PRR32: variants seen among roughly 807,000 people sequenced by gnomAD.
PRR32 encodes the protein proline-rich protein 32.
A neutral mutation model predicts 1.3 loss-of-function variants in PRR32; 2 were observed. The ratio of observed to expected loss-of-function variants is 1.49; its 90% confidence interval spans 0.61 to 4.68. The LOEUF is 4.68. Ranked by LOEUF, PRR32 falls within the 30% of genes most tolerant of loss-of-function variation. The pLI is 0.06. For missense variants in PRR32, 241 were observed against 232.5 expected (o/e 1.04, Z -0.24); for synonymous variants, 107 against 88.7 (o/e 1.21, Z -1.16).
Position 126,820,726 on chromosome X carries a change from C to T in PRR32, c.88C>T (p.His30Tyr). 8.6e-7 allele frequency: 1 copy of T among 1,167,882 alleles called. No individual in the cohort carries two copies. Among genetic ancestry groups the T allele is most frequent in the Non-Finnish European group, 1.1e-6 (1 of 872,924 alleles). ...CAAAAATGGGAACCAGGAGCTGCAC[C>T]ACGACATGCCCCTGCAATGTCTGAG... ...VDKNGNQELHHDMPLQCLSSK... is the reference protein window; with the variant it reads ...VDKNGNQELHYDMPLQCLSSK... Residue 30 changes from histidine to tyrosine, a missense_variant, in exon 2 of 2, where the codon CAC (histidine) becomes TAC (tyrosine). Coordinates refer to ENST00000371125, the MANE Select transcript of PRR32 (RefSeq NM_001122716.2).
intron 1 of PRR32, among the ~76,000 whole-genome samples, chrX:126,820,203 T>C (rs940027992): frequency 8.9e-6 from 1 of 111,900 alleles, no homozygotes; most frequent in Non-Finnish European, 1.9e-5. Context: ...GAGAAACTTG[T>C]GTGTTTGTTA....
chrX:126,821,665 A>T lies in PRR32; in HGVS notation c.*130A>T. The T allele has an allele frequency of 1.2e-6, 1 of 824,346 alleles. No homozygotes were observed. Among genetic ancestry groups the T allele is most frequent in the Non-Finnish European group, 1.7e-6 (1 of 598,091 alleles). The allele number at this position is 824,346 out of a possible 1,213,427, so 67.9% of individuals were successfully genotyped here. A position where few individuals can be genotyped will look rare whatever the true frequency, so the allele number is the denominator to read the frequency against. On this transcript the variant is annotated 3_prime_UTR_variant, in exon 2 of 2. Coordinates refer to ENST00000371125, the MANE Select transcript of PRR32 (RefSeq NM_001122716.2). ...TAATGTGCCCTACTTGAAACCACGT[A>T]CCCTCCCACACTCTGTTTAGCACTA...
rs1453869147 is a variant in PRR32, at chrX:126,821,268, T to C, written c.630T>C (p.His210=). ...TAGCCTGCAGAGGAAAGCTGGCTCA[T>C]GTTTCTTTCCCACTCAGGGGCCCAT... ...TRIACRGKLA[H]VSFPLRGPCH... The change falls in exon 2 of 2, where the codon CAT becomes CAC. Residue 210 remains histidine, a synonymous_variant. Coordinates refer to ENST00000371125, the MANE Select transcript of PRR32 (RefSeq NM_001122716.2). 1.7e-6 allele frequency: 2 copies of C among 1,166,599 alleles called. No homozygotes were observed. Among genetic ancestry groups the C allele is most frequent in the Non-Finnish European group, 2.3e-6 (2 of 872,848 alleles).
Position 126,821,288 on chromosome X carries a change from GCCCATGCCAC to G in PRR32, c.658_667del (p.His220IlefsTer83), listed in dbSNP as rs1390716401. The G allele has an allele frequency of 1.7e-6, 2 of 1,168,305 alleles. No individual in the cohort carries two copies. The highest frequency in any genetic ancestry group is 6.5e-5 in the East Asian group (2 of 30,733). The stretch of plus-strand genomic sequence containing the variant: ...GCTCATGTTTCTTTCCCACTCAGGG[GCCCATGCCAC>G]CCCATGCATAATTGGCCAAGGCCTA... On this transcript the variant is annotated frameshift_variant, in exon 2 of 2. Coordinates refer to ENST00000371125, the MANE Select transcript of PRR32 (RefSeq NM_001122716.2). LOFTEE classifies it low-confidence loss of function (END_TRUNC).
chrX:126,819,745 C>T lies in PRR32; in HGVS notation c.-99C>T. ...CCTGGCTTCATTCTAGTTGCCAAGC[C>T]TCTAAAGCAGAAGCAGGAGTCATTT... On this transcript the variant is annotated 5_prime_UTR_variant, in exon 1 of 2. Transcript: ENST00000371125. The T allele has an allele frequency of 1.3e-6, 1 of 789,563 alleles. No homozygotes were observed. Among genetic ancestry groups the T allele is most frequent in the East Asian group, 3.8e-5 (1 of 26,010 alleles). 65.1% of individuals were successfully genotyped at this position (789,563 alleles called of 1,213,427 possible). A position where few individuals can be genotyped will look rare whatever the true frequency, so the allele number is the denominator to read the frequency against.
At position 126,821,500 on chromosome X, in the gene PRR32, C is replaced by T. The variant is rs200463562; in HGVS notation, c.862C>T (p.Pro288Ser). 1,718 of 1,165,675 alleles carry T rather than the reference C, an allele frequency of 1.5e-3. 12 individuals carry two copies. Among genetic ancestry groups the T allele is most frequent in the Non-Finnish European group, 1.0e-3 (893 of 872,934 alleles). The change falls in exon 2 of 2, where the codon CCA becomes TCA. Residue 288 changes from proline to serine, a missense_variant. By Grantham distance (74) the Pro-to-Ser change is moderately conservative. Transcript: ENST00000371125. ...TGCCCATTTCCATTCTGGGGGAATG[C>T]CAGCTCCTGCATCACCCAACAGAGA... ...YFAHFHSGGM[P>S]APASPNREHS
rs1183441536 is a variant in PRR32 at position 126,819,847 on chromosome X, G to A, written c.4G>A (p.Ala2Thr). The A allele has an allele frequency of 3.2e-5, 37 of 1,162,984 alleles. No individual in the cohort carries two copies. The highest frequency in any genetic ancestry group is 4.0e-5 in the Non-Finnish European group (35 of 871,278). The change falls in exon 1 of 2, where the codon GCT (alanine) becomes ACT (threonine). Residue 2 changes from alanine to threonine, a missense_variant. Transcript: ENST00000371125. ...GCTATTCTGATCAAATTTCTTCATG[G>A]CTTGTATTGAAAACGTGTAAGTACA... M[A>T]CIENVLGGHA... is the part of the protein sequence containing the mutation.
Position 126,819,864 on chromosome X carries a change from G to T in PRR32, c.20+1G>T. 8.6e-7 allele frequency: 1 copy of T among 1,164,610 alleles called. No individual in the cohort carries two copies. Among genetic ancestry groups the T allele is most frequent in the East Asian group, 3.3e-5 (1 of 30,636 alleles). Reference sequence around the variant, plus strand: ...TCTTCATGGCTTGTATTGAAAACGTGTAAGTACAAAACCGAGTACAACTGT... The same window carrying T: ...TCTTCATGGCTTGTATTGAAAACGTTTAAGTACAAAACCGAGTACAACTGT... On this transcript the variant is annotated splice_donor_variant, in intron 1 of 1. Transcript: ENST00000371125. LOFTEE classifies it high-confidence loss of function.
Position 126,820,798 on chromosome X carries a change from C to G in PRR32, c.160C>G (p.Pro54Ala). 1 of 1,167,600 alleles carries G rather than the reference C, an allele frequency of 8.6e-7. No individual in the cohort carries two copies. Among genetic ancestry groups the G allele is most frequent in the East Asian group, 3.3e-5 (1 of 30,719 alleles). The change falls in exon 2 of 2, where the codon CCG becomes GCG. Residue 54 changes from proline (P) to alanine (A), a missense_variant. By Grantham distance (27) the Pro-to-Ala change is conservative (BLOSUM62 -1). Transcript: ENST00000371125. Reference sequence around the variant, plus strand: ...AGAGCCCTGGGGTCAACCTCAAGTACCGCTGAGACCTTCCGTCAATGTGCT... The same window carrying G: ...AGAGCCCTGGGGTCAACCTCAAGTAGCGCTGAGACCTTCCGTCAATGTGCT... Reference protein sequence around the residue: ...DAEPWGQPQVPLRPSVNVLTD... With the variant: ...DAEPWGQPQVALRPSVNVLTD...
Position 126,820,968 on chromosome X carries a change from C to G in PRR32, c.330C>G (p.Asn110Lys). Residue 110 changes from asparagine (N) to lysine (K), a missense_variant, in exon 2 of 2, where the codon AAC becomes AAG. Physicochemically the swap from Asn to Lys is moderately conservative, Grantham distance 94. Transcript: ENST00000371125. ...AGTCCCTAGCAACAGCAGAAGTAAA[C>G]AGCTCTGATGCACTGGCAGGCTGGA... ...AEESLATAEV[N>K]SSDALAGWRQ... 8.6e-7 allele frequency: 1 copy of G among 1,166,278 alleles called. No homozygotes were observed. The highest frequency in any genetic ancestry group is 1.1e-6 in the Non-Finnish European group (1 of 872,259).
At position 126,820,812 on chromosome X, in the gene PRR32, C is replaced by T. The variant is rs775137715; in HGVS notation, c.174C>T (p.Ser58=). Residue 58 remains serine, a synonymous_variant, in exon 2 of 2, where the codon TCC becomes TCT. Coordinates refer to ENST00000371125, the MANE Select transcript of PRR32 (RefSeq NM_001122716.2). ...AACCTCAAGTACCGCTGAGACCTTC[C>T]GTCAATGTGCTGACTGATCTGGATA... ...WGQPQVPLRP[S]VNVLTDLDSK... 17 of 1,165,718 alleles carry T rather than the reference C, an allele frequency of 1.5e-5. No individual in the cohort carries two copies. In the Admixed American group the frequency reaches 1.8e-4, roughly 13 times the overall value.
At chrX:126,820,538 G>A in intron 1 of PRR32, 121 bp from the exon 2 acceptor site, 1 of 902,797 alleles carries the variant, frequency 1.1e-6, no homozygotes, top group South Asian at 2.6e-5. Flanking sequence ...TACATATAGG[G>A]GAGAGGGCAC....
chrX:126,820,792 C>G lies in PRR32; in HGVS notation c.154C>G (p.Gln52Glu). ...EDDAEPWGQP[Q>E]VPLRPSVNVL... is the part of the protein sequence containing the mutation. ...TGACGCAGAGCCCTGGGGTCAACCT[C>G]AAGTACCGCTGAGACCTTCCGTCAA... Residue 52 changes from glutamine to glutamate, a missense_variant, in exon 2 of 2, where the codon CAA becomes GAA. Physicochemically the swap from Gln to Glu is conservative, Grantham distance 29. Coordinates refer to ENST00000371125, the MANE Select transcript of PRR32 (RefSeq NM_001122716.2). 1 of 1,167,752 alleles carries G rather than the reference C, an allele frequency of 8.6e-7. No homozygotes were observed. The highest frequency in any genetic ancestry group is 1.1e-6 in the Non-Finnish European group (1 of 873,005).
In PRR32 at chrX:126,819,752, G is replaced by A. The variant is rs750309760; in HGVS notation, c.-92G>A. The A allele has an allele frequency of 1.2e-6, 1 of 840,291 alleles. No individual in the cohort carries two copies. 69.2% of individuals were successfully genotyped at this position (840,291 alleles called of 1,213,427 possible). On this transcript the variant is annotated 5_prime_UTR_variant, in exon 1 of 2. Coordinates refer to ENST00000371125, the MANE Select transcript of PRR32 (RefSeq NM_001122716.2). Reference sequence around the variant, plus strand: ...TCATTCTAGTTGCCAAGCCTCTAAAGCAGAAGCAGGAGTCATTTCTCCAGA... The same window carrying A: ...TCATTCTAGTTGCCAAGCCTCTAAAACAGAAGCAGGAGTCATTTCTCCAGA...
chrX:126,820,582 G>A (rs1930537619), intron 1 of PRR32, 77 bp from the exon 2 acceptor site: 17 of 1,076,510 alleles, frequency 1.6e-5, no homozygotes, highest in Middle Eastern at 3.0e-4. Flanking sequence ...AGTGAGCTCA[G>A]TCAATTACAT....
Position 126,820,030 on chromosome X carries a change from A to C in PRR32, c.20+167A>C, listed in dbSNP as rs1463578588. Among the ~76,000 whole-genome samples the C allele has an allele frequency of 2.7e-5, 3 of 110,723 alleles. No homozygotes were observed. In the South Asian group the frequency reaches 1.2e-3, roughly 43 times the overall value. The stretch of plus-strand genomic sequence containing the variant: ...TTAGTTACTAAGAATACCGGATTTA[A>C]GAGTGGCAACTTTGAAGTGTAATTT... On this transcript the variant is annotated intron_variant, in intron 1 of 1. Transcript: ENST00000371125.
At position 126,821,074 on chromosome X, in the gene PRR32, G is replaced by T; in HGVS notation, c.436G>T (p.Val146Phe). Residue 146 changes from valine to phenylalanine, a missense_variant, in exon 2 of 2, where the codon GTC becomes TTC. By Grantham distance (50) the Val-to-Phe change is conservative. Coordinates refer to ENST00000371125, the MANE Select transcript of PRR32 (RefSeq NM_001122716.2). ...PPALIVGGTK[V>F]NNGGTERGSN... ...TGCACTGATAGTAGGGGGCACAAAG[G>T]TCAACAATGGGGGCACTGAGAGAGG... is the stretch of plus-strand genomic sequence containing the variant. The T allele has an allele frequency of 8.6e-7, 1 of 1,167,503 alleles. No homozygotes were observed. The highest frequency in any genetic ancestry group is 1.1e-6 in the Non-Finnish European group (1 of 872,897).
Position 126,821,237 on chromosome X carries a change from C to A in PRR32, c.599C>A (p.Thr200Lys). ...GTAATGGAGGTGCCGCCCGGAAATA[C>A]ACGAATAGCCTGCAGAGGAAAGCTG... is the stretch of plus-strand genomic sequence containing the variant. The part of the protein sequence containing the change: ...GIVMEVPPGN[T>K]RIACRGKLAH... The change falls in exon 2 of 2, where the codon ACA (threonine) becomes AAA (lysine). Residue 200 changes from threonine (T) to lysine (K), a missense_variant. Transcript: ENST00000371125. The A allele has an allele frequency of 8.6e-7, 1 of 1,168,190 alleles. No homozygotes were observed.
rs1219191838 is a variant in PRR32 at position 126,821,308 on chromosome X, A to G, written c.670A>G (p.Asn224Asp). ...CAGGGGCCCATGCCACCCCATGCAT[A>G]ATTGGCCAAGGCCTATCCCGTTGTC... ...PLRGPCHPMHNWPRPIPLSSS... is the reference protein window; with the variant it reads ...PLRGPCHPMHDWPRPIPLSSS... The change falls in exon 2 of 2, where the codon AAT becomes GAT. Residue 224 changes from asparagine to aspartate, a missense_variant. Transcript: ENST00000371125. 1 of 1,168,304 alleles carries G rather than the reference A, an allele frequency of 8.6e-7. No individual in the cohort carries two copies. Among genetic ancestry groups the G allele is most frequent in the Non-Finnish European group, 1.1e-6 (1 of 873,116 alleles).
Sources: allele counts gnomAD v4.1 joint callset (sites outside exome capture counted in the v4.1 genomes callset), GRCh38; gene constraint gnomAD v4.1.1; transcripts MANE v1.5; gene names NCBI Gene and HGNC (gene_info 2026-07-23, HGNC 2026-07-21).